Variants in THSD7B observed in about 807,000 individuals in gnomAD.
The protein encoded by THSD7B is thrombospondin type 1 domain containing 7B, also known as thrombospondin type-1 domain-containing protein 7B.
THSD7B carries 138 observed loss-of-function variants against 213.6 expected under a neutral mutation model. The observed-to-expected ratio is 0.65, with a 90% CI of 0.56 to 0.74. The LOEUF is 0.74. Among genes scored for constraint, THSD7B ranks in the 30% least tolerant of loss-of-function variants. The probability of loss-of-function intolerance (pLI) is 0.00; values close to 1 mark genes in which losing one functional copy is unlikely to be tolerated. For synonymous variants in THSD7B, 742 were observed against 687.0 expected (o/e 1.08, Z -1.25); for missense variants, 1,931 against 1,991.5 (o/e 0.97, Z 0.58).
intron 1 of THSD7B, among the ~76,000 whole-genome samples, chr2:136,792,637 T>G (rs1360765519): frequency 2.0e-5 from 3 of 151,980 alleles, no homozygotes; most frequent in Non-Finnish European, 4.4e-5. Flanking sequence ...CACTCTGTAT[T>G]AATTCTACTG....
chr2:137,104,459 CGAACATCACAAGTAAAAA>C (rs199849467), intron 4 of THSD7B, among the ~76,000 whole-genome samples: 5,560 of 151,996 alleles, frequency 0.037, 150 homozygotes, highest in Admixed American at 0.067. Flanking sequence ...CCATAAGTGT[CGAACATCACAAGTAAAAA>C]GAACATCACA....
chr2:137,569,698 C>T (rs775127417), intron 16 of THSD7B, among the ~76,000 whole-genome samples: 8 of 151,930 alleles, frequency 5.3e-5, no homozygotes, highest in Admixed American at 1.3e-4. Context: ...TTTTCAGATG[C>T]GCTAAGGAGT....
chr2:137,649,824 A>C (rs1198317604), intron 21 of THSD7B, among the ~76,000 whole-genome samples: 2 of 152,106 alleles, frequency 1.3e-5, no homozygotes, highest in Non-Finnish European at 2.9e-5. Context: ...AGCTGGACAC[A>C]GTGGCTCACG....
At chr2:136,936,726 G>A (rs1684738107) in intron 2 of THSD7B, among the ~76,000 whole-genome samples, 1 of 152,126 alleles carries the variant, frequency 6.6e-6, no homozygotes, top group African/African-American at 2.4e-5. Context: ...AGTGTATACT[G>A]CATGGATGAT....
At chr2:137,205,746 A>C (rs1371606802) in intron 7 of THSD7B, among the ~76,000 whole-genome samples, 4 of 152,144 alleles carry the variant, frequency 2.6e-5, no homozygotes, top group Admixed American at 6.6e-5. Context: ...CTACTTTTGA[A>C]TTTAAATATT....
Position 137,405,818 on chromosome 2 carries a change from C to T in THSD7B, c.2695+11C>T. 3.1e-6 allele frequency: 5 copies of T among 1,598,472 alleles called. No individual in the cohort carries two copies. The highest frequency in any genetic ancestry group is 4.3e-6 in the Non-Finnish European group (5 of 1,172,756). On this transcript the variant is annotated intron_variant, in intron 13 of 27. Coordinates refer to ENST00000409968, the MANE Select transcript of THSD7B (RefSeq NM_001316349.2). ...GGCGACAGCTCACAGGTATAGTGTG[C>T]ATTTTACTCTTTAGCATCAGGCAAG...
At chr2:137,034,623 C>T (rs1686739438) in intron 2 of THSD7B, among the ~76,000 whole-genome samples, 1 of 152,010 alleles carries the variant, frequency 6.6e-6, no homozygotes, top group African/African-American at 2.4e-5. Context: ...GTGTGATGTT[C>T]CCCTCCTTGT....
intron 6 of THSD7B, among the ~76,000 whole-genome samples, chr2:137,165,345 C>T (rs1680103751): frequency 6.6e-6 from 1 of 152,206 alleles, no homozygotes; most frequent in South Asian, 2.1e-4. Context: ...CCAGGACCAC[C>T]TGCCTATATT....
At chr2:137,237,998 C>T (rs1295051428) in intron 9 of THSD7B, among the ~76,000 whole-genome samples, 3 of 152,182 alleles carry the variant, frequency 2.0e-5, no homozygotes, top group Non-Finnish European at 4.4e-5. Flanking sequence ...GGGAATGATA[C>T]TCTTTCTCTC....
intron 5 of THSD7B, among the ~76,000 whole-genome samples, chr2:137,120,336 G>C (rs1688524455): frequency 6.6e-6 from 1 of 151,964 alleles, no homozygotes; most frequent in Non-Finnish European, 1.5e-5. Flanking sequence ...GTGATGAAAA[G>C]GTGTGGGGAG....
At chr2:136,878,809 G>C (rs1452225688) in intron 1 of THSD7B, among the ~76,000 whole-genome samples, 1 of 152,174 alleles carries the variant, frequency 6.6e-6, no homozygotes, top group Non-Finnish European at 1.5e-5. Flanking sequence ...GTAGATTCTG[G>C]ATATTAGCCC....
intron 12 of THSD7B, among the ~76,000 whole-genome samples, chr2:137,314,507 C>T (rs148870016): frequency 0.021 from 3,227 of 152,254 alleles, 69 homozygotes; most frequent in East Asian, 0.056. Context: ...TCTCTCACCT[C>T]GTCAAAGTCA....
chr2:137,440,444 AC>A (rs2105052644), intron 14 of THSD7B, among the ~76,000 whole-genome samples: 1 of 150,146 alleles, frequency 6.7e-6, no homozygotes, highest in Non-Finnish European at 1.5e-5. Context: ...CTCTCCAATA[AC>A]CATAGCCTCA....
At chr2:137,069,978 T>C (rs1432712472) in intron 3 of THSD7B, among the ~76,000 whole-genome samples, 1 of 151,610 alleles carries the variant, frequency 6.6e-6, no homozygotes, top group Non-Finnish European at 1.5e-5. Flanking sequence ...ATTTTCCAGT[T>C]AGAGATTTTA....
At chr2:137,583,128 T>A (rs922542168) in intron 17 of THSD7B, among the ~76,000 whole-genome samples, 4 of 152,200 alleles carry the variant, frequency 2.6e-5, no homozygotes, top group African/African-American at 9.6e-5. Context: ...GTTGGCTGCA[T>A]AAAATGTCTT....
intron 12 of THSD7B, among the ~76,000 whole-genome samples, chr2:137,372,323 CTTTTTTTTTTT>C (rs55635315): frequency 1.9e-4 from 11 of 57,544 alleles, no homozygotes; most frequent in Admixed American, 1.2e-3. Flanking sequence ...TGATAATACT[CTTTTTTTTTTT>C]TTTTTTTTTT....
At chr2:137,312,619 T>C (rs1683947094) in intron 12 of THSD7B, among the ~76,000 whole-genome samples, 1 of 151,222 alleles carries the variant, frequency 6.6e-6, no homozygotes, top group Non-Finnish European at 1.5e-5. Flanking sequence ...TTTTGGATCT[T>C]TCCTGCTTTC....
chr2:137,508,922 G>T (rs1441358546), intron 15 of THSD7B, among the ~76,000 whole-genome samples: 3 of 151,940 alleles, frequency 2.0e-5, no homozygotes, highest in South Asian at 4.2e-4. Flanking sequence ...TCTGCCTCAG[G>T]GCACTCTCCA....
intron 15 of THSD7B, among the ~76,000 whole-genome samples, chr2:137,526,855 C>A (rs1344906432): frequency 2.6e-5 from 4 of 152,082 alleles, no homozygotes; most frequent in African/African-American, 9.7e-5. Context: ...GAGGTTTGAA[C>A]TGTGCCTTGA....
Sources: gnomAD v4.1 joint callset for allele counts (sites outside exome capture counted in the v4.1 genomes callset) on GRCh38, gnomAD v4.1.1 for gene constraint, MANE v1.5 for transcripts, NCBI Gene and HGNC (gene_info 2026-07-23, HGNC 2026-07-21) for gene names.